RETREG3: variants seen among roughly 807,000 people sequenced by gnomAD.
The protein encoded by RETREG3 is reticulophagy regulator family member 3.
In RETREG3, 23 loss-of-function variants were observed where a neutral mutation model predicts 50.2. The ratio of observed to expected loss-of-function variants is 0.46; its 90% confidence interval spans 0.33 to 0.65. The LOEUF is 0.65. RETREG3 is among the 30% of genes least tolerant of loss of function. RETREG3 has a pLI of 0.02. For synonymous variants in RETREG3, 240 were observed against 234.4 expected (o/e 1.02, Z -0.22); for missense variants, 546 against 598.0 (o/e 0.91, Z 0.91).
chr17:42,595,132 ATTTTTTTTG>A (rs1183278089), intron 1 of RETREG3, among the ~76,000 whole-genome samples: 1 of 147,092 alleles, frequency 6.8e-6, no homozygotes, highest in Non-Finnish European at 1.5e-5. Context: ...CGTCCAGCTA[ATTTTTTTTG>A]TATTTTTAGT....
At chr17:42,582,914 T>G (rs561195380) in intron 7 of RETREG3, 108 bp from the exon 8 acceptor site, 1 of 1,424,530 alleles carries the variant, frequency 7.0e-7, no homozygotes, top group African/African-American at 1.4e-5. Context: ...GGCCATCAAA[T>G]CAATGTAACC....
Position 42,581,729 on chromosome 17 carries a change from G to A in RETREG3, c.*84C>T. 7.9e-7 allele frequency: 1 copy of A among 1,264,682 alleles called. No individual in the cohort carries two copies. Among genetic ancestry groups the A allele is most frequent in the Non-Finnish European group, 1.1e-6 (1 of 928,468 alleles). 78.3% of individuals were successfully genotyped at this position (1,264,682 alleles called of 1,614,324 possible). ...AAATATAATTCAGGGGAGGGGAGCT[G>A]AGTTCTTCCCTTGCCCCATCACCTT... On this transcript the variant is annotated 3_prime_UTR_variant, in exon 9 of 9. Transcript: ENST00000309428.
rs992664452 is a variant in RETREG3 at position 42,586,569 on chromosome 17, C to T, written c.504+196G>A. ...GGCCTCATCTAAGTGGCAACCACACCAAATGAGCAGTCACCAAGCTCCTGT... is the reference window on the plus strand; with the variant it reads ...GGCCTCATCTAAGTGGCAACCACACTAAATGAGCAGTCACCAAGCTCCTGT... On this transcript the variant is annotated intron_variant, in intron 4 of 8. Coordinates refer to ENST00000309428, the MANE Select transcript of RETREG3 (RefSeq NM_178126.4). The T allele has an allele frequency of 9.5e-6, 6 of 632,686 alleles. No individual in the cohort carries two copies. In the Admixed American group the frequency reaches 1.1e-4, roughly 11 times the overall value. The allele number at this position is 632,686 out of a possible 1,614,324, so 39.2% of individuals were successfully genotyped here.
chr17:42,589,753 T>A (rs2093128865), intron 2 of RETREG3, among the ~76,000 whole-genome samples: 1 of 152,172 alleles, frequency 6.6e-6, no homozygotes, highest in Non-Finnish European at 1.5e-5. Flanking sequence ...TATGTCTTGA[T>A]CTTCCTTATT....
At chr17:42,603,382 G>C (rs909121146) in intron 1 of RETREG3, among the ~76,000 whole-genome samples, 1 of 152,144 alleles carries the variant, frequency 6.6e-6, no homozygotes, top group Admixed American at 6.6e-5. Context: ...GCCTGTTACT[G>C]TACAGCACTT....
chr17:42,605,584 T>C (rs1242250180), intron 1 of RETREG3, among the ~76,000 whole-genome samples: 1 of 152,220 alleles, frequency 6.6e-6, no homozygotes, highest in Non-Finnish European at 1.5e-5. Context: ...CAAACAATTC[T>C]GTGAACTCCA....
chr17:42,585,008 C>A, intron 6 of RETREG3, 117 bp downstream of exon 6: 1 of 1,287,030 alleles, frequency 7.8e-7, no homozygotes, highest in East Asian at 2.4e-5. Context: ...CAATCCTCAC[C>A]CCCACCAACT....
chr17:42,609,406 G>C (rs748278219), upstream of RETREG3: 341 of 1,451,714 alleles, frequency 2.3e-4, 1 homozygote, highest in South Asian at 5.1e-4. Context: ...CGATTCGGCG[G>C]GGGAGGTGGC....
intron 6 of RETREG3, among the ~76,000 whole-genome samples, chr17:42,584,361 T>C (rs1388776086): frequency 6.6e-6 from 1 of 152,128 alleles, no homozygotes; most frequent in African/African-American, 2.4e-5. Flanking sequence ...ACACAAAACC[T>C]GACAAGACCA....
At chr17:42,609,405 G>A, upstream of RETREG3, 2 of 1,447,930 alleles carry the variant, frequency 1.4e-6, no homozygotes, top group South Asian at 2.6e-5. Flanking sequence ...GCGATTCGGC[G>A]GGGGAGGTGG....
chr17:42,594,833 A>G (rs1276612784), intron 1 of RETREG3, among the ~76,000 whole-genome samples: 2 of 151,994 alleles, frequency 1.3e-5, no homozygotes, highest in South Asian at 2.1e-4. Context: ...GCTGGGCGAC[A>G]GAGTGGAACT....
At chr17:42,583,656 A>C in intron 6 of RETREG3, 76 bp from the exon 7 acceptor site, 1 of 1,387,064 alleles carries the variant, frequency 7.2e-7, no homozygotes, top group Non-Finnish European at 1.0e-6. Context: ...AAGACATAAA[A>C]TCAGAACACA....
intron 1 of RETREG3, among the ~76,000 whole-genome samples, chr17:42,594,737 G>A (rs908828246): frequency 6.6e-6 from 1 of 151,598 alleles, no homozygotes; most frequent in Non-Finnish European, 1.5e-5. Flanking sequence ...TGTAGTCCCA[G>A]CTACTCGGGA....
Position 42,594,950 on chromosome 17 carries a change from ATTT to A in RETREG3, c.240-2791_240-2789del, listed in dbSNP as rs1026764118. Among the ~76,000 whole-genome samples, 7 of 135,374 alleles carry A rather than the reference ATTT, an allele frequency of 5.2e-5. No homozygotes were observed. In the South Asian group the frequency reaches 1.2e-3, roughly 23 times the overall value. The allele number at this position is 135,374 out of a possible 152,430, so 88.8% of individuals were successfully genotyped here. On this transcript the variant is annotated intron_variant, in intron 1 of 8. Transcript: ENST00000309428. ...AAGGAACTTTACGTTTTGTTTGTAG[ATTT>A]TTTTTTTTACTTTTTTTTTTTTTTT...
chr17:42,604,669 A>G (rs562982827), intron 1 of RETREG3, among the ~76,000 whole-genome samples: 21 of 146,106 alleles, frequency 1.4e-4, no homozygotes, highest in Admixed American at 3.5e-4. Context: ...GACCCTGTCC[A>G]GCCCAACAAC....
chr17:42,597,694 G>C (rs2093150417), intron 1 of RETREG3, among the ~76,000 whole-genome samples: 2 of 127,350 alleles, frequency 1.6e-5, no homozygotes, highest in Admixed American at 9.3e-5. Flanking sequence ...CAGTGGCACA[G>C]ATCTCCACTC....
intron 1 of RETREG3, among the ~76,000 whole-genome samples, chr17:42,594,720 A>C (rs188977880): frequency 0.017 from 2,387 of 137,196 alleles, 68 homozygotes; most frequent in African/African-American, 0.061. Flanking sequence ...GCATGGTGGC[A>C]GGTGCCTGTA....
intron 5 of RETREG3, among the ~76,000 whole-genome samples, chr17:42,585,754 C>A (rs1179519163): frequency 6.6e-6 from 1 of 152,142 alleles, no homozygotes; most frequent in Admixed American, 6.5e-5. Flanking sequence ...GCTGACAATA[C>A]CCTGGCTCTA....
At position 42,588,500 on chromosome 17, in the gene RETREG3, A is replaced by G. The variant is rs2143384858; in HGVS notation, c.347-636T>C. Among the ~76,000 whole-genome samples, 4 of 151,454 alleles carry G rather than the reference A, an allele frequency of 2.6e-5. No homozygotes were observed. The South Asian group carries it at 8.3e-4, about 32-fold the overall frequency. On this transcript the variant is annotated intron_variant, in intron 2 of 8. Transcript: ENST00000309428. ...TCTCAGCTCACTCAGCCTCCCGAGT[A>G]ACTGGGATTACAGGCACACGCCACC...
Sources: gnomAD v4.1 joint callset for allele counts (sites outside exome capture counted in the v4.1 genomes callset) on GRCh38, gnomAD v4.1.1 for gene constraint, MANE v1.5 for transcripts, NCBI Gene and HGNC (gene_info 2026-07-23, HGNC 2026-07-21) for gene names.